The following TAB2 variants were observed in gnomAD, a reference collection of about 807,000 sequenced individuals.
TAB2 encodes TGF-beta activated kinase 1 (MAP3K7) binding protein 2, also known as TGF-beta-activated kinase 1 and MAP3K7-binding protein 2.
In TAB2, 3 loss-of-function variants were observed where a neutral mutation model predicts 65.0. The observed-to-expected ratio is 0.05, with a 90% CI of 0.02 to 0.12. TAB2 has a LOEUF of 0.12. TAB2 is among the 10% of genes least tolerant of loss of function. The pLI, the probability that TAB2 is intolerant of heterozygous loss-of-function variation, is 1.00. For synonymous variants in TAB2, 298 were observed against 285.1 expected, an observed-to-expected ratio of 1.05 and a Z score of -0.46; for missense variants, 623 against 840.3, an observed-to-expected ratio of 0.74 and a Z score of 3.20.
At chr6:149,392,329 A>G (rs915900858) in intron 3 of TAB2, among the ~76,000 whole-genome samples, 1 of 152,084 alleles carries the variant, frequency 6.6e-6, no homozygotes, top group Non-Finnish European at 1.5e-5. Context: ...TTTAGTAGAG[A>G]TAGAGTTTCA....
chr6:149,343,859 T>A (rs909856561), intron 1 of TAB2, among the ~76,000 whole-genome samples: 1 of 152,240 alleles, frequency 6.6e-6, no homozygotes, highest in East Asian at 1.9e-4. Context: ...TGAGTTTATT[T>A]ACTAAATGGG....
chr6:149,410,659 T>C lies in TAB2; in HGVS notation c.*940T>C, dbSNP rs1462835895. 1 of 152,676 alleles carries C rather than the reference T, an allele frequency of 6.5e-6. No homozygotes were observed. 9.5% of individuals were successfully genotyped at this position (152,676 alleles called of 1,614,324 possible). ...GCTGCACAGTGAATTGCAGATGATATTACAGAAGTGATGTCTGTAGGTCAC... is the reference window on the plus strand; with the variant it reads ...GCTGCACAGTGAATTGCAGATGATACTACAGAAGTGATGTCTGTAGGTCAC... On this transcript the variant is annotated 3_prime_UTR_variant, in exon 7 of 7. Coordinates refer to ENST00000637181, the MANE Select transcript of TAB2 (RefSeq NM_001292034.3).
chr6:149,228,076 G>A (rs1010536135), intron 1 of TAB2, among the ~76,000 whole-genome samples: 6 of 151,976 alleles, frequency 3.9e-5, no homozygotes, highest in Admixed American at 3.3e-4. Flanking sequence ...GATCAACACT[G>A]CCTCAAAGCC....
rs571493651 is a variant in TAB2, at chr6:149,329,428, A to G, written c.-90+11413A>G. Among the ~76,000 whole-genome samples the G allele has an allele frequency of 2.0e-5, 3 of 152,296 alleles. No individual in the cohort carries two copies. In the East Asian group the frequency reaches 5.8e-4, roughly 29 times the overall value. ...GGTGATGTTCACCATTACAGAACAG[A>G]CCAGGGTTGCAACAGGTGAGGAAGA... On this transcript the variant is annotated intron_variant, in intron 1 of 6. Transcript: ENST00000637181.
At chr6:149,287,727 A>G (rs1455563789) in intron 1 of TAB2, among the ~76,000 whole-genome samples, 3 of 152,314 alleles carry the variant, frequency 2.0e-5, no homozygotes, top group African/African-American at 7.2e-5. Context: ...GACATTGTGC[A>G]TTCTTAAACT....
chr6:149,290,531 C>A (rs1290493483), intron 1 of TAB2, among the ~76,000 whole-genome samples: 1 of 152,160 alleles, frequency 6.6e-6, no homozygotes, highest in Non-Finnish European at 1.5e-5. Flanking sequence ...TCCTATATAT[C>A]CCAACAGACT....
chr6:149,373,514 C>T (rs965093015), intron 2 of TAB2, among the ~76,000 whole-genome samples: 5 of 151,608 alleles, frequency 3.3e-5, no homozygotes, highest in South Asian at 2.1e-4. Flanking sequence ...GAGATTCTTG[C>T]GATCAGCGAT....
At chr6:149,363,971 A>G (rs971495911) in intron 1 of TAB2, among the ~76,000 whole-genome samples, 1 of 152,194 alleles carries the variant, frequency 6.6e-6, no homozygotes, top group Non-Finnish European at 1.5e-5. Context: ...CAAATCAGAA[A>G]TCAACTTTGA....
At chr6:149,311,489 G>A (rs528196566) in intron 1 of TAB2, among the ~76,000 whole-genome samples, 22 of 152,292 alleles carry the variant, frequency 1.4e-4, no homozygotes, top group Middle Eastern at 3.4e-3. Flanking sequence ...TATGTCTTGC[G>A]CAATGGTATG....
At chr6:149,317,077 G>C (rs1434213927), upstream of TAB2, among the ~76,000 whole-genome samples, 3 of 150,314 alleles carry the variant, frequency 2.0e-5, no homozygotes, top group Admixed American at 6.6e-5. This position sits in a 1 kb window ranked among gnomAD's most constrained non-coding sequence, Gnocchi z 4.7. Context: ...GCGCGGCGCC[G>C]CCGGCCGCCC....
intron 3 of TAB2, among the ~76,000 whole-genome samples, chr6:149,389,386 C>G (rs1250844112): frequency 6.6e-6 from 1 of 152,018 alleles, no homozygotes; most frequent in Non-Finnish European, 1.5e-5. Context: ...TGGCTCATGC[C>G]TGTAATCCCA....
chr6:149,237,464 A>G, intron 1 of TAB2, among the ~76,000 whole-genome samples: 1 of 152,178 alleles, frequency 6.6e-6, no homozygotes, highest in Non-Finnish European at 1.5e-5. Context: ...ACACAGGTGC[A>G]CCATCTACTA....
At position 149,311,816 on chromosome 6, in the gene TAB2, T is replaced by C. The variant is rs1410937885; in HGVS notation, c.-120-66202T>C. On this transcript the variant is annotated intron_variant, in intron 1 of 1. Transcript: ENST00000606202. ...CTAGTCTCAAAAATGGAAACCATCA[T>C]TGTTGGCCAGTTGGGAAGATAACAG... is the stretch of plus-strand genomic sequence containing the variant. Among the ~76,000 whole-genome samples, 3 of 152,132 alleles carry C rather than the reference T, an allele frequency of 2.0e-5. 1 individual carries two copies. The highest frequency in any genetic ancestry group is 7.2e-5 in the African/African-American group (3 of 41,418).
At chr6:149,351,846 T>C (rs1288964868) in intron 1 of TAB2, among the ~76,000 whole-genome samples, 4 of 152,222 alleles carry the variant, frequency 2.6e-5, no homozygotes, top group Non-Finnish European at 5.9e-5. Context: ...TGTGCACTTA[T>C]GGAACTGAGG....
chr6:149,268,744 T>C (rs1039563520), intron 1 of TAB2, among the ~76,000 whole-genome samples: 1 of 152,230 alleles, frequency 6.6e-6, no homozygotes, highest in Admixed American at 6.5e-5. Context: ...TATGCATTCA[T>C]TGTGTCTGCA....
chr6:149,350,211 C>T (rs1271731649), intron 1 of TAB2, among the ~76,000 whole-genome samples: 1 of 152,080 alleles, frequency 6.6e-6, no homozygotes, highest in South Asian at 2.1e-4. Flanking sequence ...GGATTACAGA[C>T]GTAAGCCACT....
At chr6:149,292,816 C>A (rs928695623) in intron 1 of TAB2, among the ~76,000 whole-genome samples, 1 of 152,076 alleles carries the variant, frequency 6.6e-6, no homozygotes, top group Non-Finnish European at 1.5e-5. Context: ...AACCGTATGA[C>A]CAATTTCTTT....
At chr6:149,267,089 G>A (rs1778277670) in intron 1 of TAB2, among the ~76,000 whole-genome samples, 1 of 152,108 alleles carries the variant, frequency 6.6e-6, no homozygotes, top group Non-Finnish European at 1.5e-5. Context: ...ATGAATGAAG[G>A]CAGAAGGACC....
intron 3 of TAB2, among the ~76,000 whole-genome samples, chr6:149,384,519 A>T (rs1305000001): frequency 6.6e-6 from 1 of 152,232 alleles, no homozygotes; most frequent in African/African-American, 2.4e-5. Context: ...AAGTGGAAAG[A>T]ACAAATTAAG....
Sources: allele counts gnomAD v4.1 joint callset (sites outside exome capture counted in the v4.1 genomes callset), GRCh38; gene constraint gnomAD v4.1.1; non-coding constraint Gnocchi (gnomAD v3.1); transcripts MANE v1.5; gene names NCBI Gene and HGNC (gene_info 2026-07-23, HGNC 2026-07-21).